The following GABBR2 variants were observed in gnomAD, a reference collection of about 807,000 sequenced individuals.
GABBR2 encodes the protein G-protein coupled receptor 51.
In GABBR2, 23 loss-of-function variants were observed where a neutral mutation model predicts 105.6. The ratio of observed to expected loss-of-function variants is 0.22; its 90% CI spans 0.16 to 0.31. GABBR2 has a LOEUF of 0.31. Among genes scored for constraint, GABBR2 ranks in the 10% least tolerant of loss-of-function variants. The probability of loss-of-function intolerance (pLI) is 1.00; values close to 1 mark genes in which losing one functional copy is unlikely to be tolerated. For missense variants in GABBR2, 734 were observed against 1,245.5 expected (o/e 0.59, Z 6.18); for synonymous variants, 478 against 499.7 (o/e 0.96, Z 0.58).
intron 8 of GABBR2, among the ~76,000 whole-genome samples, chr9:98,403,293 C>A (rs1033881202): frequency 6.0e-3 from 519 of 86,006 alleles, no homozygotes; most frequent in South Asian, 6.7e-3. Context: ...GACTCCGTCT[C>A]AAAAAAAAAA....
Position 98,570,602 on chromosome 9 carries a change from C to T in GABBR2, c.459+7333G>A, listed in dbSNP as rs535640968. On this transcript the variant is annotated intron_variant, in intron 2 of 18. Coordinates refer to ENST00000259455, the MANE Select transcript of GABBR2 (RefSeq NM_005458.8). ...CCAGCTCCAAATTCTCCTGGTTTTTCCCAGGCCCCATGCTTTCAGGACAAA... is the reference window on the plus strand; with the variant it reads ...CCAGCTCCAAATTCTCCTGGTTTTTTCCAGGCCCCATGCTTTCAGGACAAA... 3.4e-3 allele frequency among the ~76,000 whole-genome samples: 512 copies of T among 152,270 alleles called. 1 individual carries two copies. The highest frequency in any genetic ancestry group is 4.4e-3 in the Non-Finnish European group (299 of 68,010).
At position 98,511,613 on chromosome 9, in the gene GABBR2, A is replaced by G. The variant is rs966858496; in HGVS notation, c.631-15099T>C. On this transcript the variant is annotated intron_variant, in intron 3 of 18. Transcript: ENST00000259455. Reference sequence around the variant, plus strand: ...CCATAGAAATACAAACTACCATCAGAGAATACTATAAACACCTCTATGCAA... The same window carrying G: ...CCATAGAAATACAAACTACCATCAGGGAATACTATAAACACCTCTATGCAA... Among the ~76,000 whole-genome samples the G allele has an allele frequency of 7.5e-4, 115 of 152,328 alleles. 1 individual carries two copies. The highest frequency in any genetic ancestry group is 1.5e-3 in the Admixed American group (23 of 15,300).
chr9:98,577,909 A>T, intron 2 of GABBR2, 26 bp downstream of exon 2: 1 of 1,581,886 alleles, frequency 6.3e-7, no homozygotes, highest in Admixed American at 1.9e-5. Flanking sequence ...ACACCTCCCC[A>T]CAAAAGAAGG....
intron 6 of GABBR2, among the ~76,000 whole-genome samples, chr9:98,469,058 C>T (rs543014204): frequency 6.6e-6 from 1 of 152,316 alleles, no homozygotes; most frequent in East Asian, 1.9e-4. Flanking sequence ...GCAGTTTATT[C>T]TCTCACAGTT....
At chr9:98,529,932 A>G (rs79034296) in intron 3 of GABBR2, among the ~76,000 whole-genome samples, 3,119 of 152,280 alleles carry the variant, frequency 0.02, 64 homozygotes, top group Non-Finnish European at 0.03. Flanking sequence ...TCATGGAGCT[A>G]TCGAGCCCCA....
At chr9:98,517,568 A>C (rs1196561990) in intron 3 of GABBR2, among the ~76,000 whole-genome samples, 1 of 152,220 alleles carries the variant, frequency 6.6e-6, no homozygotes, top group East Asian at 1.9e-4. Context: ...ATAATGTCTA[A>C]ACTTCATTGT....
At chr9:98,581,906 A>G (rs1829008479) in intron 1 of GABBR2, among the ~76,000 whole-genome samples, 1 of 152,254 alleles carries the variant, frequency 6.6e-6, no homozygotes, top group Non-Finnish European at 1.5e-5. Context: ...ATTCTGTATT[A>G]GTAATGATGT....
chr9:98,418,312 A>T (rs1832723623), intron 7 of GABBR2, among the ~76,000 whole-genome samples: 1 of 152,008 alleles, frequency 6.6e-6, no homozygotes, highest in Non-Finnish European at 1.5e-5. Flanking sequence ...GCCAAGTGGG[A>T]GATTGCTTGA....
intron 1 of GABBR2, among the ~76,000 whole-genome samples, chr9:98,631,326 C>T (rs1309390620): frequency 6.6e-6 from 1 of 152,222 alleles, no homozygotes; most frequent in Non-Finnish European, 1.5e-5. Context: ...CCTTCCTAAG[C>T]CTCAGTTTCC....
chr9:98,473,404 G>T, intron 5 of GABBR2, 58 bp from the exon 6 acceptor site: 1 of 1,153,606 alleles, frequency 8.7e-7, no homozygotes, highest in Non-Finnish European at 1.3e-6. Flanking sequence ...AAGGCTCTGT[G>T]CCCTGGAAGA....
At chr9:98,486,639 G>C (rs1035861604) in intron 4 of GABBR2, among the ~76,000 whole-genome samples, 43 of 152,158 alleles carry the variant, frequency 2.8e-4, no homozygotes, top group African/African-American at 8.9e-4. Context: ...ACTGTGCTGG[G>C]CTGCTGAAAA....
intron 3 of GABBR2, among the ~76,000 whole-genome samples, chr9:98,525,360 A>G (rs1481736471): frequency 6.6e-6 from 1 of 152,220 alleles, no homozygotes; most frequent in Non-Finnish European, 1.5e-5. Context: ...GAATAGGCAT[A>G]TCTCCAAAGA....
chr9:98,620,439 A>G (rs959078990), intron 1 of GABBR2, among the ~76,000 whole-genome samples: 1 of 152,112 alleles, frequency 6.6e-6, no homozygotes, highest in Non-Finnish European at 1.5e-5. Flanking sequence ...TAAAATCAAT[A>G]CTTTAAATTT....
intron 13 of GABBR2, among the ~76,000 whole-genome samples, chr9:98,349,287 G>A (rs184275419): frequency 6.6e-4 from 99 of 148,930 alleles, no homozygotes; most frequent in Non-Finnish European, 1.2e-3. Flanking sequence ...CCACTTGGTC[G>A]TGGTGTATTA....
chr9:98,686,474 G>A (rs1428603936), intron 1 of GABBR2, among the ~76,000 whole-genome samples: 1 of 152,098 alleles, frequency 6.6e-6, no homozygotes, highest in African/African-American at 2.4e-5. Context: ...TTGGCTCACT[G>A]CAACCTTCGC....
At chr9:98,653,755 A>C (rs980300287) in intron 1 of GABBR2, among the ~76,000 whole-genome samples, 1 of 152,060 alleles carries the variant, frequency 6.6e-6, no homozygotes, top group Non-Finnish European at 1.5e-5. Context: ...ATGCACACCC[A>C]CACACACAAA....
chr9:98,323,074 G>A (rs958227127), intron 13 of GABBR2, among the ~76,000 whole-genome samples: 3 of 152,102 alleles, frequency 2.0e-5, no homozygotes, highest in Admixed American at 6.5e-5. Context: ...ACGAGGCTCC[G>A]TAAGGCTGAG....
chr9:98,699,706 C>T (rs912885010), intron 1 of GABBR2, among the ~76,000 whole-genome samples: 10 of 152,074 alleles, frequency 6.6e-5, no homozygotes, highest in Admixed American at 5.9e-4. Flanking sequence ...CAAAGACTTC[C>T]CTGTGGTCTC....
intron 2 of GABBR2, among the ~76,000 whole-genome samples, chr9:98,569,121 C>T (rs1210231615): frequency 3.9e-5 from 6 of 152,176 alleles, no homozygotes; most frequent in African/African-American, 1.4e-4. Flanking sequence ...TGCTGGATTA[C>T]TGGCCTCTAT....
Sources: allele counts gnomAD v4.1 joint callset (sites outside exome capture counted in the v4.1 genomes callset), GRCh38; gene constraint gnomAD v4.1.1; transcripts MANE v1.5; gene names NCBI Gene and HGNC (gene_info 2026-07-23, HGNC 2026-07-21).